SBF2: variants seen among roughly 807,000 people sequenced by gnomAD.
The protein encoded by SBF2 is SET binding factor 2.
In SBF2, 112 loss-of-function variants were observed where a neutral mutation model predicts 225.2. That is an observed-to-expected ratio of 0.50 (90% CI 0.43 to 0.58). The LOEUF is 0.58. SBF2 is among the 20% of genes least tolerant of loss of function. The pLI is 0.00. For synonymous variants in SBF2, 763 were observed against 773.3 expected, an observed-to-expected ratio of 0.99 and a Z score of 0.22; for missense variants, 1,996 against 2,206.2, an observed-to-expected ratio of 0.90 and a Z score of 1.91.
intron 32 of SBF2, among the ~76,000 whole-genome samples, chr11:9,796,511 T>C (rs996710148): frequency 2.6e-5 from 4 of 152,194 alleles, no homozygotes; most frequent in Non-Finnish European, 5.9e-5. Flanking sequence ...AGGTGGCTGC[T>C]TAAGGGGACA....
chr11:9,937,751 G>A (rs1378327764), intron 16 of SBF2, among the ~76,000 whole-genome samples: 1 of 151,970 alleles, frequency 6.6e-6, no homozygotes. Flanking sequence ...ATTAATAAGA[G>A]AATTCGGTAA....
chr11:9,847,562 G>C (rs1042074526), intron 22 of SBF2, among the ~76,000 whole-genome samples: 1 of 150,030 alleles, frequency 6.7e-6, no homozygotes, highest in African/African-American at 2.4e-5. Context: ...AGACATCCAA[G>C]ATATTTAATA....
At chr11:9,940,477 C>G (rs1229783315) in intron 16 of SBF2, among the ~76,000 whole-genome samples, 1 of 152,066 alleles carries the variant, frequency 6.6e-6, no homozygotes, top group South Asian at 2.1e-4. Flanking sequence ...AGTCTAATAC[C>G]AAAGTCTGAG....
At chr11:9,808,626 C>T (rs1018129582) in intron 31 of SBF2, 24 of 425,452 alleles carry the variant, frequency 5.6e-5, no homozygotes, top group South Asian at 1.1e-4. Context: ...GGATGGTCCA[C>T]GCCTCACACT....
At chr11:9,991,199 ATAT>A (rs1379111568) in intron 12 of SBF2, among the ~76,000 whole-genome samples, 3 of 152,194 alleles carry the variant, frequency 2.0e-5, no homozygotes, top group African/African-American at 7.2e-5. Context: ...TTAGATGGTA[ATAT>A]TAGAGAATCA....
At chr11:9,843,195 T>C (rs903030520) in intron 24 of SBF2, among the ~76,000 whole-genome samples, 1 of 152,198 alleles carries the variant, frequency 6.6e-6, no homozygotes, top group Non-Finnish European at 1.5e-5. Context: ...CAAACTCTCT[T>C]TCTACCAACT....
At chr11:9,829,276 A>G in intron 28 of SBF2, 80 bp downstream of exon 28, 2 of 1,476,556 alleles carry the variant, frequency 1.4e-6, no homozygotes, top group South Asian at 1.1e-5. Context: ...CAAATAACAA[A>G]TAACAGTACA....
chr11:10,068,729 C>T (rs1054425263), intron 2 of SBF2, among the ~76,000 whole-genome samples: 3 of 152,000 alleles, frequency 2.0e-5, no homozygotes, highest in African/African-American at 7.2e-5. Context: ...CCGACTCAGC[C>T]CCCGTCACCC....
chr11:10,032,620 A>C lies in SBF2; in HGVS notation c.280-1450T>G, dbSNP rs192369124. Among the ~76,000 whole-genome samples the C allele has an allele frequency of 3.6e-3, 546 of 152,124 alleles. 4 individuals are homozygous for C. Among genetic ancestry groups the C allele is most frequent in the African/African-American group, 0.013 (522 of 41,488 alleles). ...TGCAATGCCCTAACACTCTCTACCC[A>C]CTTTCTCTGCTTTATTTTTCTCCAT... On this transcript the variant is annotated intron_variant, in intron 3 of 39. Transcript: ENST00000256190.
chr11:10,082,384 A>G (rs1486737979), intron 2 of SBF2, among the ~76,000 whole-genome samples: 1 of 152,180 alleles, frequency 6.6e-6, no homozygotes, highest in Non-Finnish European at 1.5e-5. Context: ...CTATGATGCC[A>G]GTATTACCCT....
chr11:10,094,333 A>G (rs1951916879), intron 2 of SBF2, among the ~76,000 whole-genome samples: 1 of 152,032 alleles, frequency 6.6e-6, no homozygotes, highest in South Asian at 2.1e-4. Context: ...CAAAAAATAT[A>G]TGTATATATA....
chr11:10,165,453 AGC>A (rs766446882), intron 2 of SBF2, among the ~76,000 whole-genome samples: 3 of 152,228 alleles, frequency 2.0e-5, no homozygotes, highest in Non-Finnish European at 2.9e-5. Context: ...TGGCCCCATT[AGC>A]AATAGTTGGC....
At chr11:9,992,945 T>C (rs1426401965) in intron 11 of SBF2, 45 bp downstream of exon 11, 6 of 1,341,946 alleles carry the variant, frequency 4.5e-6, no homozygotes, top group Non-Finnish European at 6.3e-6. Flanking sequence ...TTTATTAAAT[T>C]AGAATATATT....
intron 2 of SBF2, chr11:10,149,682 G>C (rs959352907): frequency 1.3e-5 from 2 of 152,148 alleles, no homozygotes; most frequent in Non-Finnish European, 2.9e-5. Context: ...TCTTGTTACA[G>C]TAGCAACACA....
chr11:10,010,969 T>C (rs935851473), intron 6 of SBF2, among the ~76,000 whole-genome samples: 34 of 152,288 alleles, frequency 2.2e-4, no homozygotes, highest in South Asian at 1.0e-3. Context: ...TTGTAAGTTG[T>C]ATTCCTAGGT....
intron 2 of SBF2, among the ~76,000 whole-genome samples, chr11:10,069,311 TC>T (rs1950761363): frequency 1.6e-5 from 1 of 64,348 alleles, no homozygotes; most frequent in Admixed American, 2.1e-4. Context: ...TATCCTCCCC[TC>T]CCCCCACCCC....
In SBF2 at chr11:10,194,019, T is replaced by C. The variant is rs1043288963; in HGVS notation, c.56-32A>G. 5.0e-6 allele frequency: 7 copies of C among 1,399,538 alleles called. No individual in the cohort carries two copies. In the African/African-American group the frequency reaches 7.1e-5, roughly 14 times the overall value. 86.7% of individuals were successfully genotyped at this position (1,399,538 alleles called of 1,614,324 possible). A position where few individuals can be genotyped will look rare whatever the true frequency, so the allele number is the denominator to read the frequency against. The stretch of plus-strand genomic sequence containing the variant: ...ATAAAATCAAAGTGAATCATTATTA[T>C]AGGACACTAAAAACTACAAATACTC... On this transcript the variant is annotated intron_variant, in intron 1 of 39. Transcript: ENST00000256190.
chr11:9,810,848 A>G (rs1451697252), intron 30 of SBF2: 1 of 152,242 alleles, frequency 6.6e-6, no homozygotes, highest in African/African-American at 2.4e-5. Flanking sequence ...TGACCTAGCA[A>G]TCCCATTACT....
intron 28 of SBF2, chr11:9,828,664 G>A (rs1406418061): frequency 2.0e-6 from 2 of 984,240 alleles, no homozygotes; most frequent in East Asian, 1.1e-4. Context: ...AGTCTTAATG[G>A]CTTCATCCAA....
Sources: allele counts gnomAD v4.1 joint callset (sites outside exome capture counted in the v4.1 genomes callset), GRCh38; gene constraint gnomAD v4.1.1; transcripts MANE v1.5; gene names NCBI Gene and HGNC (gene_info 2026-07-23, HGNC 2026-07-21).